Variants in RBFOX3 observed in about 807,000 individuals in gnomAD.
The protein encoded by RBFOX3 is RNA binding protein fox-1 homolog 3.
Under a neutral mutation model 48.7 loss-of-function variants are expected in RBFOX3, and 17 were observed. That is an observed-to-expected ratio of 0.35 (90% CI 0.24 to 0.52). The LOEUF (loss-of-function observed/expected upper bound fraction) is 0.52, where lower values mean the gene tolerates loss of function less well. Among genes scored for constraint, RBFOX3 ranks in the 20% least tolerant of loss-of-function variants. The pLI is 0.94. For synonymous variants in RBFOX3, 212 were observed against 209.5 expected (o/e 1.01, Z -0.10); for missense variants, 382 against 497.5 (o/e 0.77, Z 2.21).
At chr17:79,190,118 T>C (rs561465832) in intron 4 of RBFOX3, among the ~76,000 whole-genome samples, 1 of 152,126 alleles carries the variant, frequency 6.6e-6, no homozygotes, top group South Asian at 2.1e-4. Flanking sequence ...CCCAATCAAA[T>C]AACAGAGTGA....
At chr17:79,244,909 T>G (rs1177893840) in intron 3 of RBFOX3, among the ~76,000 whole-genome samples, 1 of 145,570 alleles carries the variant, frequency 6.9e-6, no homozygotes, top group African/African-American at 2.5e-5. Flanking sequence ...CTCCTTTCCT[T>G]CCTTCCTCTC....
chr17:79,608,522 GA>G (rs2093889380), intron 1 of RBFOX3, among the ~76,000 whole-genome samples: 1 of 152,160 alleles, frequency 6.6e-6, no homozygotes, highest in African/African-American at 2.4e-5. Context: ...ACTCACCCCA[GA>G]AAACCCCGGC....
rs34588150 is a variant in RBFOX3, at chr17:79,296,289, G to GAC, written c.-74+11433_-74+11434dup. ...CCCACCCCGCAAAAAGGCACAAACAGACACACACACACACACCACACACAC... is the reference window on the plus strand; with the variant it reads ...CCCACCCCGCAAAAAGGCACAAACAGACACACACACACACACACCACACACAC... On this transcript the variant is annotated intron_variant, in intron 3 of 14. Coordinates refer to ENST00000693108, the MANE Select transcript of RBFOX3 (RefSeq NM_001350451.2). Among the ~76,000 whole-genome samples, 527 of 146,456 alleles carry GAC rather than the reference G, an allele frequency of 3.6e-3. 4 individuals carry two copies. Among genetic ancestry groups the GAC allele is most frequent in the African/African-American group, 0.012 (477 of 38,700 alleles).
intron 4 of RBFOX3, among the ~76,000 whole-genome samples, chr17:79,167,321 C>G (rs1388345367): frequency 3.9e-5 from 6 of 152,088 alleles, no homozygotes; most frequent in Non-Finnish European, 7.4e-5. Flanking sequence ...TGGGGGGCCC[C>G]TTCTTCCCCT....
intron 2 of RBFOX3, among the ~76,000 whole-genome samples, chr17:79,417,848 C>T (rs541831642): frequency 1.3e-5 from 2 of 152,352 alleles, no homozygotes; most frequent in South Asian, 4.1e-4. Flanking sequence ...AATGGAGAAA[C>T]AGAACATGCT....
intron 1 of RBFOX3, among the ~76,000 whole-genome samples, chr17:79,508,318 C>G (rs375383375): frequency 0.41 from 62,243 of 151,942 alleles, 14,003 homozygotes; most frequent in East Asian, 0.62. Context: ...TGACCCAGTG[C>G]TGCCACCCCA....
chr17:79,579,772 G>A (rs2092988403), intron 1 of RBFOX3, among the ~76,000 whole-genome samples: 1 of 147,510 alleles, frequency 6.8e-6, no homozygotes, highest in South Asian at 2.2e-4. Context: ...GGGTGTCACT[G>A]GCGCCGTGGT....
chr17:79,171,223 C>T (rs891051064), intron 4 of RBFOX3, among the ~76,000 whole-genome samples: 2 of 152,230 alleles, frequency 1.3e-5, no homozygotes, highest in African/African-American at 4.8e-5. Flanking sequence ...ACAGTTTGGA[C>T]TGGGTTACAC....
At chr17:79,105,843 T>C (rs1160489135) in intron 6 of RBFOX3, among the ~76,000 whole-genome samples, 3 of 151,950 alleles carry the variant, frequency 2.0e-5, no homozygotes, top group African/African-American at 4.8e-5. Flanking sequence ...GGCTGCGTGG[T>C]CCTCTGTGGC....
At chr17:79,379,513 C>T (rs558318064) in intron 2 of RBFOX3, among the ~76,000 whole-genome samples, 36 of 152,314 alleles carry the variant, frequency 2.4e-4, no homozygotes, top group African/African-American at 7.2e-4. Context: ...ACATTAAGCA[C>T]GGATGGCTGT....
At chr17:79,544,997 GAA>G (rs2090220899) in intron 1 of RBFOX3, among the ~76,000 whole-genome samples, 1 of 132,922 alleles carries the variant, frequency 7.5e-6, no homozygotes, top group African/African-American at 2.8e-5. Flanking sequence ...AAAAAAAAGA[GAA>G]AGAAAGAGAA....
At chr17:79,185,414 G>A (rs1056887785) in intron 4 of RBFOX3, among the ~76,000 whole-genome samples, 2 of 152,216 alleles carry the variant, frequency 1.3e-5, no homozygotes, top group Admixed American at 1.3e-4. Flanking sequence ...AAGATGAGGT[G>A]GGTTGTAGCA....
intron 1 of RBFOX3, among the ~76,000 whole-genome samples, chr17:79,579,228 C>T (rs1372156288): frequency 2.6e-5 from 4 of 152,166 alleles, no homozygotes; most frequent in Admixed American, 2.0e-4. Flanking sequence ...GTCCCCTGCC[C>T]GAGGCAGCCC....
intron 4 of RBFOX3, chr17:79,208,302 GGCCAGGCCATCCCA>G (rs1294406704): frequency 1.3e-5 from 2 of 152,328 alleles, no homozygotes; most frequent in Non-Finnish European, 2.9e-5. Context: ...ACACACACCC[GGCCAGGCCATCCCA>G]GCCAATAGCC....
chr17:79,420,907 T>C (rs1226199502), intron 2 of RBFOX3, among the ~76,000 whole-genome samples: 2 of 152,174 alleles, frequency 1.3e-5, no homozygotes, highest in African/African-American at 4.8e-5. Context: ...AGCTGACCTC[T>C]AGAAAGCCTG....
At chr17:79,652,129 C>A in the RBFOX3 span, among the ~76,000 whole-genome samples, 5 of 152,132 alleles carry the variant, frequency 3.3e-5, no homozygotes, top group African/African-American at 1.2e-4. Context: ...AAGCCATTTG[C>A]TGTTTTAAAC....
rs1288060687 is a variant in RBFOX3 at position 79,370,097 on chromosome 17, TGTG to T, written c.-174-62276_-174-62274del. On this transcript the variant is annotated intron_variant, in intron 2 of 14. Coordinates refer to ENST00000693108, the MANE Select transcript of RBFOX3 (RefSeq NM_001350451.2). ...CAGCCCTTCCTGATGCTCCCTGCTC[TGTG>T]GTGACCAGGTCTTGGTGCCAACCCC... Among the ~76,000 whole-genome samples, 26 of 152,346 alleles carry T rather than the reference TGTG, an allele frequency of 1.7e-4. 1 individual carries two copies. In the East Asian group the frequency reaches 5.0e-3, roughly 29 times the overall value.
rs116605820 is a variant in RBFOX3, at chr17:79,251,713, G to A, written c.-73-15908C>T. On this transcript the variant is annotated intron_variant, in intron 3 of 14. Transcript: ENST00000693108. ...CCTCAACTCAGTGGCCAGACGAGTC[G>A]GCTGCATGGCAGGTTCCGCCCCATT... Among the ~76,000 whole-genome samples the A allele has an allele frequency of 8.8e-4, 134 of 152,228 alleles. 1 individual carries two copies. Among genetic ancestry groups the A allele is most frequent in the African/African-American group, 3.1e-3 (127 of 41,540 alleles).
chr17:79,366,730 G>C (rs150769471), intron 2 of RBFOX3, among the ~76,000 whole-genome samples: 2 of 152,176 alleles, frequency 1.3e-5, no homozygotes, highest in Admixed American at 1.3e-4. Flanking sequence ...GAGCTGGAAG[G>C]CTTCTGCCTG....
Sources: allele counts gnomAD v4.1 joint callset (sites outside exome capture counted in the v4.1 genomes callset), GRCh38; gene constraint gnomAD v4.1.1; transcripts MANE v1.5; gene names NCBI Gene and HGNC (gene_info 2026-07-23, HGNC 2026-07-21).